ITPR2: variants seen among roughly 807,000 people sequenced by gnomAD.
The protein encoded by ITPR2 is inositol 1,4,5-trisphosphate receptor type 2.
A neutral mutation model predicts 317.1 loss-of-function variants in ITPR2; 207 were observed. The observed-to-expected ratio is 0.65, with a 90% CI of 0.58 to 0.73. The LOEUF is 0.73. ITPR2 is among the 30% of genes least tolerant of loss of function. The pLI, the probability that ITPR2 is intolerant of heterozygous loss-of-function variation, is 0.00. For synonymous variants in ITPR2, 1,156 were observed against 1,149.1 expected (o/e 1.01, Z -0.12); for missense variants, 2,613 against 3,284.0 (o/e 0.80, Z 4.99).
chr12:26,761,783 C>T (rs375772339), intron 2 of ITPR2, among the ~76,000 whole-genome samples: 42 of 152,230 alleles, frequency 2.8e-4, no homozygotes, highest in African/African-American at 5.8e-4. Flanking sequence ...GGCGACAGAG[C>T]GAGATCCTGT....
chr12:26,825,323 A>G lies in ITPR2; in HGVS notation c.92+7367T>C, dbSNP rs563246388. On this transcript the variant is annotated intron_variant, in intron 1 of 56. Coordinates refer to ENST00000381340, the MANE Select transcript of ITPR2 (RefSeq NM_002223.4). ...GGTTATAACGCAGTGATCTATTACC[A>G]AGTTCTGATATTTTAAAAACCATAA... Among the ~76,000 whole-genome samples the G allele has an allele frequency of 1.2e-4, 19 of 152,374 alleles. No homozygotes were observed. In the East Asian group the frequency reaches 3.5e-3, roughly 28 times the overall value.
intron 52 of ITPR2, 157 bp downstream of exon 52, chr12:26,411,163 T>C (rs1940535315): frequency 1.7e-6 from 1 of 581,770 alleles, no homozygotes; most frequent in Non-Finnish European, 3.1e-6. Flanking sequence ...TGGGAATCCT[T>C]TCTCCTGTTC....
At chr12:26,410,106 T>G (rs529793759) in intron 52 of ITPR2, among the ~76,000 whole-genome samples, 1 of 152,304 alleles carries the variant, frequency 6.6e-6, no homozygotes, top group African/African-American at 2.4e-5. Flanking sequence ...TGGAGTGTCA[T>G]GGCAGTACTC....
intron 45 of ITPR2, among the ~76,000 whole-genome samples, chr12:26,455,493 A>T (rs1046178380): frequency 1.3e-5 from 2 of 152,174 alleles, no homozygotes; most frequent in South Asian, 4.1e-4. Flanking sequence ...TTCAAGTCTA[A>T]GTAGGGATTC....
At chr12:26,348,724 C>T (rs1438308639) in intron 55 of ITPR2, among the ~76,000 whole-genome samples, 1 of 152,192 alleles carries the variant, frequency 6.6e-6, no homozygotes, top group Non-Finnish European at 1.5e-5. Flanking sequence ...CATGATGGTG[C>T]ATGCCTATAA....
intron 42 of ITPR2, among the ~76,000 whole-genome samples, chr12:26,482,719 G>A (rs1942571877): frequency 1.3e-5 from 2 of 152,090 alleles, no homozygotes; most frequent in Admixed American, 6.5e-5. Context: ...AAACTGTCCT[G>A]TTTTCATTGT....
intron 1 of ITPR2, among the ~76,000 whole-genome samples, chr12:26,824,438 T>C (rs368684715): frequency 2.8e-4 from 43 of 152,296 alleles, no homozygotes; most frequent in African/African-American, 1.0e-3. Flanking sequence ...TTTTCCACAA[T>C]ACACCTTAAA....
rs146979388 is a variant in ITPR2 at position 26,353,259 on chromosome 12, T to C, written c.7858-12931A>G. On this transcript the variant is annotated intron_variant, in intron 55 of 56. Transcript: ENST00000381340. ...CTTTCAGTTATTTTGTATTTACAAGTGTATTTTGGTGATCAAAGTCCTCGA... is the reference window on the plus strand; with the variant it reads ...CTTTCAGTTATTTTGTATTTACAAGCGTATTTTGGTGATCAAAGTCCTCGA... Among the ~76,000 whole-genome samples, 3 of 152,380 alleles carry C rather than the reference T, an allele frequency of 2.0e-5. No homozygotes were observed. In the East Asian group the frequency reaches 5.8e-4, roughly 29 times the overall value.
At chr12:26,830,017 C>T (rs143824760) in intron 1 of ITPR2, among the ~76,000 whole-genome samples, 3,779 of 152,326 alleles carry the variant, frequency 0.025, 149 homozygotes, top group African/African-American at 0.087. Context: ...GATTCTCCTG[C>T]CTCAGCCTCC....
intron 1 of ITPR2, among the ~76,000 whole-genome samples, chr12:26,798,953 T>G (rs1473994890): frequency 6.6e-6 from 1 of 152,264 alleles, no homozygotes; most frequent in Non-Finnish European, 1.5e-5. Context: ...CACCTTTGTT[T>G]GCCATTTGAA....
chr12:26,432,455 A>G (rs1485002488), intron 48 of ITPR2, among the ~76,000 whole-genome samples: 1 of 152,176 alleles, frequency 6.6e-6, no homozygotes, highest in Non-Finnish European at 1.5e-5. Context: ...TGCCATTAAT[A>G]CTGATCACTT....
At chr12:26,341,858 G>T (rs936971438) in intron 55 of ITPR2, among the ~76,000 whole-genome samples, 2 of 152,196 alleles carry the variant, frequency 1.3e-5, no homozygotes, top group Non-Finnish European at 2.9e-5. Context: ...TGTTAAAACT[G>T]CAGATTCCCA....
intron 37 of ITPR2, among the ~76,000 whole-genome samples, chr12:26,530,538 G>A (rs1299966405): frequency 6.6e-6 from 1 of 152,170 alleles, no homozygotes; most frequent in Non-Finnish European, 1.5e-5. Flanking sequence ...CTCCCCAGTT[G>A]GGGCTATGAA....
chr12:26,521,202 A>C (rs1943653775), intron 37 of ITPR2, among the ~76,000 whole-genome samples: 1 of 152,210 alleles, frequency 6.6e-6, no homozygotes, highest in Non-Finnish European at 1.5e-5. Flanking sequence ...ACTGACATTA[A>C]TATTTAGTTC....
At chr12:26,440,363 T>C (rs888227531) in intron 46 of ITPR2, among the ~76,000 whole-genome samples, 4 of 152,212 alleles carry the variant, frequency 2.6e-5, no homozygotes, top group African/African-American at 2.4e-5. Flanking sequence ...AGCAGCCATT[T>C]TGCAACCATG....
chr12:26,349,832 C>T (rs978370697), intron 55 of ITPR2, among the ~76,000 whole-genome samples: 2 of 152,206 alleles, frequency 1.3e-5, no homozygotes, highest in African/African-American at 4.8e-5. Flanking sequence ...AGTCATTGCT[C>T]CCAATGGCAG....
intron 1 of ITPR2, among the ~76,000 whole-genome samples, chr12:26,796,982 A>C (rs552496438): frequency 3.9e-5 from 6 of 152,318 alleles, no homozygotes; most frequent in Non-Finnish European, 8.8e-5. Flanking sequence ...GGTTGCAGTG[A>C]GCTGATATCA....
chr12:26,411,247 G>T, intron 52 of ITPR2, 73 bp downstream of exon 52: 1 of 935,042 alleles, frequency 1.1e-6, no homozygotes, highest in East Asian at 2.5e-5. Context: ...AATTCCCTAA[G>T]AGGTAATAAT....
intron 51 of ITPR2, among the ~76,000 whole-genome samples, chr12:26,413,939 A>G (rs1940634101): frequency 2.0e-5 from 3 of 152,124 alleles, no homozygotes; most frequent in African/African-American, 7.2e-5. Context: ...ATAAATTACG[A>G]TTCAGCTTTA....
Sources: gnomAD v4.1 joint callset for allele counts (sites outside exome capture counted in the v4.1 genomes callset) on GRCh38, gnomAD v4.1.1 for gene constraint, MANE v1.5 for transcripts, NCBI Gene and HGNC (gene_info 2026-07-23, HGNC 2026-07-21) for gene names.